The following POLR1A variants were observed in gnomAD, a reference collection of about 807,000 sequenced individuals.
The protein encoded by POLR1A is RNA polymerase I subunit A, also known as DNA-directed RNA polymerase I subunit RPA1.
In POLR1A, 84 loss-of-function variants were observed where a neutral mutation model predicts 205.3. The observed-to-expected ratio is 0.41, with a 90% CI of 0.34 to 0.49. POLR1A has a LOEUF of 0.49. Among genes scored for constraint, POLR1A ranks in the 20% least tolerant of loss-of-function variants. The pLI, the probability that POLR1A is intolerant of heterozygous loss-of-function variation, is 0.22. For missense variants in POLR1A, 1,645 were observed against 2,204.5 expected (o/e 0.75, Z 5.08); for synonymous variants, 799 against 863.7 (o/e 0.93, Z 1.31).
chr2:86,053,921 C>T (rs981706768), intron 15 of POLR1A, among the ~76,000 whole-genome samples: 5 of 152,194 alleles, frequency 3.3e-5, no homozygotes, highest in African/African-American at 1.2e-4. Context: ...GAGAAGCTTT[C>T]CTAAACTGCT....
chr2:86,065,573 T>C, intron 13 of POLR1A, 108 bp from the exon 14 acceptor site: 1 of 883,160 alleles, frequency 1.1e-6, no homozygotes, highest in Non-Finnish European at 1.8e-6. Context: ...GCCCTTCTTA[T>C]ATCCCTGTCT....
intron 14 of POLR1A, among the ~76,000 whole-genome samples, chr2:86,054,796 C>T (rs1230578494): frequency 1.3e-5 from 2 of 152,234 alleles, no homozygotes; most frequent in Non-Finnish European, 2.9e-5. Context: ...TCTCAAGCGG[C>T]TGCTCTGCAG....
intron 25 of POLR1A, among the ~76,000 whole-genome samples, chr2:86,039,680 T>C (rs1022555920): frequency 2.0e-5 from 3 of 152,232 alleles, no homozygotes; most frequent in East Asian, 1.9e-4. Context: ...CCACTCCTTG[T>C]GCTCAGGGCT....
rs981484259 is a variant in POLR1A, at chr2:86,105,845, C to G, written c.-69G>C. The stretch of plus-strand genomic sequence containing the variant: ...ACTCACCACCTGACTATTCTTAATT[C>G]AACCTCAAGCCCGGAGTCACCACGC... On this transcript the variant is annotated 5_prime_UTR_variant, in exon 1 of 34. Coordinates refer to ENST00000263857, the MANE Select transcript of POLR1A (RefSeq NM_015425.6). 5 of 1,383,610 alleles carry G rather than the reference C, an allele frequency of 3.6e-6. No individual in the cohort carries two copies. Among genetic ancestry groups the G allele is most frequent in the Non-Finnish European group, 4.1e-6 (4 of 977,292 alleles). 85.7% of individuals were successfully genotyped at this position (1,383,610 alleles called of 1,614,324 possible).
At chr2:86,030,114 G>A (rs1672356805) in intron 31 of POLR1A, 82 bp downstream of exon 31, 9 of 1,146,670 alleles carry the variant, frequency 7.8e-6, no homozygotes, top group Non-Finnish European at 1.2e-5. Context: ...CGCGTAGAGC[G>A]AGCCTCCCAG....
At position 86,040,389 on chromosome 2, in the gene POLR1A, C is replaced by A; in HGVS notation, c.3740+3G>T. On this transcript the variant is annotated splice_donor_region_variant and intron_variant, in intron 25 of 33. Coordinates refer to ENST00000263857, the MANE Select transcript of POLR1A (RefSeq NM_015425.6). Reference sequence around the variant, plus strand: ...CCACCCTGTGCTCCCTTGTGCCCCACACCTTGGAATGCCCAGGGTGACGTT... The same window carrying A: ...CCACCCTGTGCTCCCTTGTGCCCCAAACCTTGGAATGCCCAGGGTGACGTT... 2 of 1,597,784 alleles carry A rather than the reference C, an allele frequency of 1.3e-6. No individual in the cohort carries two copies. Among genetic ancestry groups the A allele is most frequent in the Non-Finnish European group, 1.7e-6 (2 of 1,171,566 alleles).
Position 86,021,859 on chromosome 2 carries a change from G to A in POLR1A, c.*5564C>T, listed in dbSNP as rs528916362. On this transcript the variant is annotated 3_prime_UTR_variant, in exon 34 of 34. Coordinates refer to ENST00000263857, the MANE Select transcript of POLR1A (RefSeq NM_015425.6). ...AACTTGCGCGAAGATAGTCACTGGG[G>A]AGCTGCAGTGACACCTGAGCCTGTG... 1 of 151,658 alleles carries A rather than the reference G, an allele frequency of 6.6e-6. No individual in the cohort carries two copies. Among genetic ancestry groups the A allele is most frequent in the Non-Finnish European group, 1.5e-5 (1 of 67,964 alleles). The allele number at this position is 151,658 out of a possible 1,614,324, so 9.4% of individuals were successfully genotyped here.
At chr2:86,097,161 A>T (rs1430097396) in intron 3 of POLR1A, among the ~76,000 whole-genome samples, 1 of 148,604 alleles carries the variant, frequency 6.7e-6, no homozygotes, top group Non-Finnish European at 1.5e-5. Flanking sequence ...AACACAAATC[A>T]AAACCACAAT....
At chr2:86,041,861 A>G (rs893228667) in intron 24 of POLR1A, 28 bp downstream of exon 24, 7 of 1,585,058 alleles carry the variant, frequency 4.4e-6, no homozygotes, top group African/African-American at 4.0e-5. Context: ...TCTCCTGCAC[A>G]TGTTGTGCAA....
Position 86,028,007 on chromosome 2 carries a change from T to C in POLR1A, c.4940A>G (p.Tyr1647Cys). 1 of 1,614,172 alleles carries C rather than the reference T, an allele frequency of 6.2e-7. No homozygotes were observed. The highest frequency in any genetic ancestry group is 8.5e-7 in the Non-Finnish European group (1 of 1,180,034). ...DPRHLSLVAD[Y>C]MCFEGVYKPL... is the part of the protein sequence containing the mutation. ...CTTGTAAACACCCTCGAAGCACATA[T>C]AATCAGCAACCAGGGAGAGATGGCG... Residue 1647 changes from tyrosine (Y) to cysteine (C), a missense_variant, in exon 33 of 34, where the codon TAT (tyrosine) becomes TGT (cysteine). Tyr to Cys is a radical substitution (Grantham distance 194, BLOSUM62 -2). Transcript: ENST00000263857. The surrounding 1 kb of genome is among the most constrained non-coding windows in gnomAD (Gnocchi z 4.5).
intron 14 of POLR1A, among the ~76,000 whole-genome samples, chr2:86,058,447 T>C (rs1280642006): frequency 9.6e-4 from 141 of 147,114 alleles, no homozygotes; most frequent in African/African-American, 3.5e-3. Context: ...CTCACTGTGT[T>C]GCCAGGCTGG....
At position 86,065,128 on chromosome 2, in the gene POLR1A, AC is replaced by A; in HGVS notation, c.2058+145del. On this transcript the variant is annotated intron_variant, in intron 14 of 33. Transcript: ENST00000263857. Reference sequence around the variant, plus strand: ...CCCTTGAAGCCACCCAGACTCAGGAACCCCAAACAAAGGGGAAAGAAAGTCA... The same window carrying A: ...CCCTTGAAGCCACCCAGACTCAGGAACCCAAACAAAGGGGAAAGAAAGTCA... The A allele has an allele frequency of 6.7e-6, 5 of 745,150 alleles. No homozygotes were observed. In the South Asian group the frequency reaches 9.3e-5, roughly 14 times the overall value. 46.2% of individuals were successfully genotyped at this position (745,150 alleles called of 1,614,324 possible). A position where few individuals can be genotyped will look rare whatever the true frequency, so the allele number is the denominator to read the frequency against.
intron 14 of POLR1A, among the ~76,000 whole-genome samples, chr2:86,064,361 T>A (rs1420869930): frequency 6.6e-6 from 1 of 152,188 alleles, no homozygotes; most frequent in Admixed American, 6.5e-5. Flanking sequence ...TAGAAGTTGA[T>A]CCTTAAGGCT....
chr2:86,043,521 T>G (rs764266313), intron 22 of POLR1A, among the ~76,000 whole-genome samples: 1 of 152,012 alleles, frequency 6.6e-6, no homozygotes, highest in Non-Finnish European at 1.5e-5. Context: ...ATGGCCAAGC[T>G]CAGGGATAGG....
chr2:86,064,636 T>C (rs1412347015), intron 14 of POLR1A, among the ~76,000 whole-genome samples: 2 of 152,168 alleles, frequency 1.3e-5, no homozygotes, highest in Non-Finnish European at 2.9e-5. Flanking sequence ...AGCAAACATA[T>C]GGAACTTCCC....
rs1690180362 is a variant in POLR1A at position 86,023,091 on chromosome 2, C to T, written c.*4332G>A. 2 of 152,330 alleles carry T rather than the reference C, an allele frequency of 1.3e-5. No homozygotes were observed. The highest frequency in any genetic ancestry group is 6.5e-5 in the Admixed American group (1 of 15,302). 9.4% of individuals were successfully genotyped at this position (152,330 alleles called of 1,614,324 possible). Reference sequence around the variant, plus strand: ...CCCTAAGTGTTTCTAAGGTCCAAAACTGAGAGCCTCTAAGTGGACTTTGGA... The same window carrying T: ...CCCTAAGTGTTTCTAAGGTCCAAAATTGAGAGCCTCTAAGTGGACTTTGGA... On this transcript the variant is annotated 3_prime_UTR_variant, in exon 34 of 34. Transcript: ENST00000263857.
Position 86,027,393 on chromosome 2 carries a change from G to A in POLR1A, c.*30C>T, listed in dbSNP as rs774587600. The A allele has an allele frequency of 6.4e-7, 1 of 1,574,710 alleles. No individual in the cohort carries two copies. The highest frequency in any genetic ancestry group is 8.7e-7 in the Non-Finnish European group (1 of 1,144,066). On this transcript the variant is annotated 3_prime_UTR_variant, in exon 34 of 34. Coordinates refer to ENST00000263857, the MANE Select transcript of POLR1A (RefSeq NM_015425.6). ...GGCCACGCCCTCACCAAGGGTCCTT[G>A]GAGCTGGGCAGATGGTGCCGGGGTA...
intron 24 of POLR1A, among the ~76,000 whole-genome samples, 193 bp from the exon 25 acceptor site, chr2:86,040,752 G>A (rs1223121623): frequency 6.6e-6 from 1 of 152,070 alleles, no homozygotes; most frequent in East Asian, 1.9e-4. Context: ...AAATTACACA[G>A]CACAGATCCC....
Position 86,078,274 on chromosome 2 carries a change from G to A in POLR1A, c.1097C>T (p.Ser366Phe), listed in dbSNP as rs183490100. The A allele has an allele frequency of 2.4e-4, 373 of 1,569,502 alleles. No individual in the cohort carries two copies. The African/African-American group carries it at 4.7e-3, about 20-fold the overall frequency. Residue 366 changes from serine (S) to phenylalanine (F), a missense_variant, in exon 10 of 34, where the codon TCT becomes TTT. Coordinates refer to ENST00000263857, the MANE Select transcript of POLR1A (RefSeq NM_015425.6). ...ATPTTDEEKD[S>F]LIAIDRSFLS... ...AAAGGATCGGTCAATAGCAATCAAA[G>A]AGTCTTTTTCCTGGAAGATGAAACC...
Sources: gnomAD v4.1 joint callset for allele counts (sites outside exome capture counted in the v4.1 genomes callset) on GRCh38, gnomAD v4.1.1 for gene constraint, Gnocchi (gnomAD v3.1) non-coding constraint, MANE v1.5 for transcripts, NCBI Gene and HGNC (gene_info 2026-07-23, HGNC 2026-07-21) for gene names.